NT5DC3: variants seen among roughly 807,000 people sequenced by gnomAD.
The protein encoded by NT5DC3 is 5'-nucleotidase domain containing 3.
NT5DC3 carries 42 observed loss-of-function variants against 67.8 expected under a neutral mutation model. The observed-to-expected ratio is 0.62, with a 90% confidence interval of 0.48 to 0.80. The LOEUF (loss-of-function observed/expected upper bound fraction) is 0.80. NT5DC3 is among the 30% of genes least tolerant of loss of function. The probability of loss-of-function intolerance (pLI) is 0.00; values close to 1 mark genes in which losing one functional copy is unlikely to be tolerated. For synonymous variants in NT5DC3, 237 were observed against 255.6 expected, an observed-to-expected ratio of 0.93 and a Z score of 0.69; for missense variants, 570 against 696.4, an observed-to-expected ratio of 0.82 and a Z score of 2.04.
intron 1 of NT5DC3, among the ~76,000 whole-genome samples, chr12:103,839,212 T>G (rs1888276928): frequency 6.6e-6 from 1 of 152,230 alleles, no homozygotes; most frequent in South Asian, 2.1e-4. Context: ...TGGGAGAAAT[T>G]GGATAAAGTG....
chr12:103,818,211 A>G (rs968000077), intron 1 of NT5DC3, among the ~76,000 whole-genome samples: 3 of 152,188 alleles, frequency 2.0e-5, no homozygotes, highest in Non-Finnish European at 4.4e-5. Flanking sequence ...CCTACACAGA[A>G]TTTCCAGGTC....
chr12:103,785,419 A>G lies in NT5DC3; in HGVS notation c.1245T>C (p.Ser415=). ...GCTCCGTGTTCATGATTTTGAGCTC[A>G]GATCTCAACTCTGGGATGATTGCAC... is the stretch of plus-strand genomic sequence containing the variant. The part of the protein sequence containing the change: ...RTGAIIPELR[S]ELKIMNTEQY... The change falls in exon 12 of 14, where the codon TCT becomes TCC. Residue 415 remains serine (S), a synonymous_variant. Coordinates refer to ENST00000392876, the MANE Select transcript of NT5DC3 (RefSeq NM_001031701.3). The G allele has an allele frequency of 1.2e-6, 2 of 1,614,118 alleles. No homozygotes were observed. The highest frequency in any genetic ancestry group is 1.7e-6 in the Non-Finnish European group (2 of 1,179,930).
downstream of NT5DC3, among the ~76,000 whole-genome samples, chr12:103,768,654 G>A (rs1181141306): frequency 1.7e-5 from 2 of 119,732 alleles, no homozygotes; most frequent in African/African-American, 3.2e-5. Flanking sequence ...AGAGAGAGAG[G>A]GAAAGAGAGA....
At chr12:103,753,213 C>T in the NT5DC3 span, 1 of 1,613,910 alleles carries the variant, frequency 6.2e-7, no homozygotes, top group African/African-American at 1.3e-5. Context: ...TCCTCTTCCT[C>T]ATCCAGATAC....
In NT5DC3 at chr12:103,775,357, A is replaced by G. The variant is rs1885309021; in HGVS notation, c.*2472T>C. On this transcript the variant is annotated 3_prime_UTR_variant, in exon 14 of 14. Transcript: ENST00000392876. ...CTTAGGTCACCTAACGTGAACACTC[A>G]TGGAAACAGGTTTTAAAAATAGTTC... 6.6e-6 allele frequency: 1 copy of G among 152,258 alleles called. No individual in the cohort carries two copies. The highest frequency in any genetic ancestry group is 1.5e-5 in the Non-Finnish European group (1 of 68,042). 9.4% of individuals were successfully genotyped at this position (152,258 alleles called of 1,614,324 possible).
intron 2 of NT5DC3, among the ~76,000 whole-genome samples, chr12:103,810,634 T>A (rs893713514): frequency 6.6e-6 from 1 of 152,352 alleles, no homozygotes; most frequent in Non-Finnish European, 1.5e-5. Flanking sequence ...TTTGTTCTAA[T>A]CCCAGTTAAA....
At chr12:103,748,047 T>C in the NT5DC3 span, among the ~76,000 whole-genome samples, 1 of 150,882 alleles carries the variant, frequency 6.6e-6, no homozygotes, top group South Asian at 2.1e-4. Flanking sequence ...AGACTAGGTA[T>C]TGAGGAAAAA....
In NT5DC3 at chr12:103,778,047, C is replaced by CA. The variant is rs768552682; in HGVS notation, c.1428dup (p.Gly477TrpfsTer22). On this transcript the variant is annotated frameshift_variant, in exon 14 of 14. Transcript: ENST00000392876. LOFTEE classifies it high-confidence loss of function. ...TTCTGGTCTGTGCGGAACAGGCTTC[C>CA]AAACTGGGCATTGAAGAAACTCTTG... The CA allele has an allele frequency of 1.2e-6, 2 of 1,613,666 alleles. No homozygotes were observed. Among genetic ancestry groups the CA allele is most frequent in the Non-Finnish European group, 1.7e-6 (2 of 1,179,844 alleles).
intron 12 of NT5DC3, 132 bp downstream of exon 12, chr12:103,785,203 A>G: frequency 1.2e-6 from 1 of 818,182 alleles, no homozygotes; most frequent in Non-Finnish European, 2.0e-6. Flanking sequence ...AAGAACCCCA[A>G]TCGTTATTCT....
At chr12:103,828,664 C>T (rs1402515868) in intron 1 of NT5DC3, among the ~76,000 whole-genome samples, 1 of 151,272 alleles carries the variant, frequency 6.6e-6, no homozygotes, top group African/African-American at 2.4e-5. Context: ...ACCCAGATTT[C>T]GGTGTTTACC....
chr12:103,810,770 G>A (rs968915775), intron 2 of NT5DC3, among the ~76,000 whole-genome samples: 1 of 152,182 alleles, frequency 6.6e-6, no homozygotes, highest in African/African-American at 2.4e-5. Flanking sequence ...ACTTCTCCAT[G>A]TGTGCCTATT....
chr12:103,750,686 T>C, the NT5DC3 span: 2,785 of 1,614,172 alleles, frequency 1.7e-3, 40 homozygotes, highest in African/African-American at 0.032. Context: ...GGCAGTGCCA[T>C]GCAGACGCCA....
chr12:103,837,835 T>C (rs1372154578), intron 1 of NT5DC3, among the ~76,000 whole-genome samples: 1 of 152,210 alleles, frequency 6.6e-6, no homozygotes, highest in South Asian at 2.1e-4. Context: ...TTCTTCTGAG[T>C]CCTCCAAACT....
chr12:103,764,304 T>A, the NT5DC3 span, among the ~76,000 whole-genome samples: 2 of 152,180 alleles, frequency 1.3e-5, no homozygotes. Flanking sequence ...AAGATTTTAC[T>A]GCTTGTTGTC....
chr12:103,826,805 T>C (rs1261280648), intron 1 of NT5DC3, among the ~76,000 whole-genome samples: 1 of 152,256 alleles, frequency 6.6e-6, no homozygotes, highest in African/African-American at 2.4e-5. Flanking sequence ...AGAATCTGTC[T>C]ATTAATCCAG....
chr12:103,839,349 C>T (rs1409397773), intron 1 of NT5DC3, among the ~76,000 whole-genome samples: 1 of 152,088 alleles, frequency 6.6e-6, no homozygotes, highest in African/African-American at 2.4e-5. Flanking sequence ...CAGGCTCAAG[C>T]GATCCTCCCC....
chr12:103,762,451 C>T, the NT5DC3 span: 2 of 1,613,310 alleles, frequency 1.2e-6, no homozygotes, highest in Non-Finnish European at 1.7e-6. Context: ...TCCAAAAACC[C>T]AGTCCCTGGA....
intron 1 of NT5DC3, among the ~76,000 whole-genome samples, chr12:103,818,566 G>A (rs1042042756): frequency 1.3e-5 from 2 of 152,032 alleles, no homozygotes; most frequent in African/African-American, 4.8e-5. Context: ...AGTAGAGACA[G>A]GGTTTCACCA....
At chr12:103,748,976 C>G in the NT5DC3 span, 42 of 1,612,860 alleles carry the variant, frequency 2.6e-5, no homozygotes, top group Non-Finnish European at 3.1e-5. Context: ...TGGATTTCTG[C>G]AAACAGGACA....
Sources: allele counts gnomAD v4.1 joint callset (sites outside exome capture counted in the v4.1 genomes callset), GRCh38; gene constraint gnomAD v4.1.1; transcripts MANE v1.5; gene names NCBI Gene and HGNC (gene_info 2026-07-23, HGNC 2026-07-21).